CPN1: variants seen among roughly 807,000 people sequenced by gnomAD.
CPN1 encodes the protein carboxypeptidase N catalytic chain.
In CPN1, 37 loss-of-function variants were observed where a neutral mutation model predicts 46.4. The ratio of observed to expected loss-of-function variants is 0.80; its 90% CI spans 0.61 to 1.05. The LOEUF is 1.05. Among genes scored for constraint, CPN1 ranks in the 50% least tolerant of loss-of-function variants. The probability of loss-of-function intolerance (pLI) is 0.00; values close to 1 mark genes in which losing one functional copy is unlikely to be tolerated. For missense variants in CPN1, 563 were observed against 602.6 expected, an observed-to-expected ratio of 0.93 and a Z score of 0.69; for synonymous variants, 224 against 235.4, an observed-to-expected ratio of 0.95 and a Z score of 0.44.
intron 7 of CPN1, among the ~76,000 whole-genome samples, chr10:100,053,925 T>C (rs112453361): frequency 0.012 from 1,796 of 151,744 alleles, 26 homozygotes; most frequent in African/African-American, 0.04. Flanking sequence ...TGTAGGGAAA[T>C]GCCAAGTCAG....
chr10:100,047,102 G>A (rs1332661547), intron 8 of CPN1, among the ~76,000 whole-genome samples: 1 of 151,878 alleles, frequency 6.6e-6, no homozygotes, highest in African/African-American at 2.4e-5. Context: ...TGGACATGGC[G>A]GCATGTGCCT....
At position 100,063,867 on chromosome 10, in the gene CPN1, T is replaced by C; in HGVS notation, c.760-142A>G. 1.5e-5 allele frequency: 11 copies of C among 712,696 alleles called. No individual in the cohort carries two copies. In the Middle Eastern group the frequency reaches 3.4e-3, roughly 220 times the overall value. The allele number at this position is 712,696 out of a possible 1,614,324, so 44.1% of individuals were successfully genotyped here. On this transcript the variant is annotated intron_variant, in intron 4 of 8. Transcript: ENST00000370418. ...TTTGCTTTAGTGAAAGAAAATAGGATCAGGGATAGAAACAGCGTGTGTATG... is the reference window on the plus strand; with the variant it reads ...TTTGCTTTAGTGAAAGAAAATAGGACCAGGGATAGAAACAGCGTGTGTATG...
At chr10:100,043,486 T>C (rs749972108) in intron 8 of CPN1, among the ~76,000 whole-genome samples, 11 of 152,100 alleles carry the variant, frequency 7.2e-5, no homozygotes, top group East Asian at 1.9e-4. Context: ...ACAAGAGCCA[T>C]GATTGACGGT....
intron 2 of CPN1, among the ~76,000 whole-genome samples, chr10:100,073,498 G>C (rs894575714): frequency 6.6e-6 from 1 of 151,988 alleles, no homozygotes; most frequent in South Asian, 2.1e-4. Flanking sequence ...AACAGCACGA[G>C]TGTATTGTCT....
At chr10:100,047,531 G>C (rs1446936580) in intron 8 of CPN1, among the ~76,000 whole-genome samples, 1 of 152,198 alleles carries the variant, frequency 6.6e-6, no homozygotes, top group African/African-American at 2.4e-5. Context: ...CATAGCATTA[G>C]CTGATACTTT....
intron 8 of CPN1, among the ~76,000 whole-genome samples, chr10:100,043,091 C>CA (rs749971720): frequency 0.13 from 7,373 of 56,974 alleles, 457 homozygotes; most frequent in African/African-American, 0.23. Context: ...GACTCCATCT[C>CA]AAAAAAAAAA....
At chr10:100,065,126 A>G in intron 4 of CPN1, 62 bp downstream of exon 4, 1 of 1,570,126 alleles carries the variant, frequency 6.4e-7, no homozygotes, top group Non-Finnish European at 8.7e-7. Context: ...TGTGTTACTG[A>G]CCTTAAGCTC....
At chr10:100,055,412 T>C (rs2041379946) in intron 6 of CPN1, among the ~76,000 whole-genome samples, 1 of 151,318 alleles carries the variant, frequency 6.6e-6, no homozygotes, top group South Asian at 2.1e-4. Flanking sequence ...TAATTTTGAC[T>C]ACTCTAAGTA....
chr10:100,043,581 C>G (rs1564769287), intron 8 of CPN1, among the ~76,000 whole-genome samples: 1 of 152,092 alleles, frequency 6.6e-6, no homozygotes, highest in Non-Finnish European at 1.5e-5. Context: ...TGCTTCAGAA[C>G]TAAACCTTCT....
chr10:100,081,391 T>C lies in CPN1; in HGVS notation c.223+12A>G, dbSNP rs1266053522. 2 of 1,609,858 alleles carry C rather than the reference T, an allele frequency of 1.2e-6. No homozygotes were observed. Among genetic ancestry groups the C allele is most frequent in the Non-Finnish European group, 1.7e-6 (2 of 1,178,404 alleles). The stretch of plus-strand genomic sequence containing the variant: ...CTGCCCCACACACCCTCAAGAGCTG[T>C]TCAGAACTTACAGGGCTCGTGGATT... On this transcript the variant is annotated intron_variant, in intron 1 of 8. Coordinates refer to ENST00000370418, the MANE Select transcript of CPN1 (RefSeq NM_001308.3).
intron 3 of CPN1, among the ~76,000 whole-genome samples, chr10:100,066,685 G>A (rs1238403433): frequency 6.6e-6 from 1 of 152,252 alleles, no homozygotes; most frequent in Admixed American, 6.5e-5. Context: ...CTCTCAGGAT[G>A]AACAAGTTTA....
intron 3 of CPN1, among the ~76,000 whole-genome samples, chr10:100,067,943 G>C (rs574273320): frequency 1.3e-5 from 2 of 152,072 alleles, no homozygotes; most frequent in South Asian, 4.1e-4. Flanking sequence ...CACAAGGCCA[G>C]GAGTTCGAGA....
At chr10:100,076,597 T>A (rs534151806) in intron 1 of CPN1, among the ~76,000 whole-genome samples, 53 of 152,342 alleles carry the variant, frequency 3.5e-4, no homozygotes, top group Non-Finnish European at 1.3e-4. Flanking sequence ...GGTTTTAGCG[T>A]AACAGCCGCT....
chr10:100,070,727 A>T (rs1299550043), intron 2 of CPN1, among the ~76,000 whole-genome samples: 3 of 152,192 alleles, frequency 2.0e-5, no homozygotes. Context: ...ATCTCAAGAG[A>T]AGTTCTAATA....
chr10:100,065,130 T>C (rs952412039), intron 4 of CPN1, 58 bp downstream of exon 4: 1 of 1,584,456 alleles, frequency 6.3e-7, no homozygotes, highest in Non-Finnish European at 8.6e-7. Flanking sequence ...TTACTGACCT[T>C]AAGCTCACCT....
intron 2 of CPN1, among the ~76,000 whole-genome samples, chr10:100,074,034 T>TC (rs145901066): frequency 0.26 from 39,431 of 150,214 alleles, 6,316 homozygotes; most frequent in Non-Finnish European, 0.37. Flanking sequence ...CTGGGCCCCA[T>TC]CCCCCCCCCA....
chr10:100,050,367 A>C (rs990225298), intron 7 of CPN1, among the ~76,000 whole-genome samples: 1 of 150,598 alleles, frequency 6.6e-6, no homozygotes, highest in African/African-American at 2.5e-5. Context: ...TAGAACAAAC[A>C]AACAAACAAA....
At chr10:100,072,260 C>T (rs569857089) in intron 2 of CPN1, among the ~76,000 whole-genome samples, 1 of 152,290 alleles carries the variant, frequency 6.6e-6, no homozygotes, top group South Asian at 2.1e-4. Context: ...ACTGCAGCCT[C>T]AACCTCCTGG....
intron 2 of CPN1, among the ~76,000 whole-genome samples, chr10:100,074,924 C>T (rs779621517): frequency 4.6e-5 from 7 of 152,114 alleles, no homozygotes; most frequent in Non-Finnish European, 7.4e-5. Context: ...ATCTGAAACA[C>T]TTAAGATGTT....
Sources: gnomAD v4.1 joint callset for allele counts (sites outside exome capture counted in the v4.1 genomes callset) on GRCh38, gnomAD v4.1.1 for gene constraint, MANE v1.5 for transcripts, NCBI Gene and HGNC (gene_info 2026-07-23, HGNC 2026-07-21) for gene names.